Variants in CPPED1 observed in about 807,000 individuals in gnomAD.
CPPED1 encodes serine/threonine-protein phosphatase CPPED1.
In CPPED1, 28 loss-of-function variants were observed where a neutral mutation model predicts 28.0. That is an observed-to-expected ratio of 1.00 (90% CI 0.74 to 1.37). CPPED1 has a LOEUF of 1.37. Ranked by LOEUF, CPPED1 falls within the 40% of genes most tolerant of loss-of-function variation. The pLI, the probability that CPPED1 is intolerant of heterozygous loss-of-function variation, is 0.00. For missense variants in CPPED1, 504 were observed against 416.5 expected, an observed-to-expected ratio of 1.21 and a Z score of -1.83; for synonymous variants, 198 against 180.2, an observed-to-expected ratio of 1.10 and a Z score of -0.79.
At chr16:12,701,486 G>A (rs770770525) in intron 3 of CPPED1, among the ~76,000 whole-genome samples, 13 of 152,096 alleles carry the variant, frequency 8.5e-5, no homozygotes, top group Non-Finnish European at 1.9e-4. Flanking sequence ...GTAGTGACCC[G>A]AGATCATGCC....
intron 2 of CPPED1, among the ~76,000 whole-genome samples, chr16:12,744,788 C>T (rs1258996338): frequency 6.6e-6 from 1 of 152,142 alleles, no homozygotes; most frequent in Non-Finnish European, 1.5e-5. Context: ...CAAGACCAGC[C>T]TCCTGGGCAA....
intron 2 of CPPED1, among the ~76,000 whole-genome samples, chr16:12,778,293 TTG>T (rs1555491001): frequency 8.7e-5 from 13 of 149,642 alleles, no homozygotes; most frequent in Admixed American, 2.0e-4. Flanking sequence ...TTTTTTTTTT[TTG>T]AGATGGAGTC....
chr16:12,739,558 A>G lies in CPPED1; in HGVS notation c.290-34509T>C, dbSNP rs111897716. 6.6e-3 allele frequency among the ~76,000 whole-genome samples: 1,012 copies of G among 152,258 alleles called. 6 individuals carry two copies. The highest frequency in any genetic ancestry group is 0.034 in the Middle Eastern group (10 of 294). ...ATCACACCATTGCCCTCCAGTCTGGACAACAAGAGCAAAACTCCATTTCAA... is the reference window on the plus strand; with the variant it reads ...ATCACACCATTGCCCTCCAGTCTGGGCAACAAGAGCAAAACTCCATTTCAA... On this transcript the variant is annotated intron_variant, in intron 2 of 3. Transcript: ENST00000381774.
chr16:12,706,084 T>C (rs1174767639), intron 2 of CPPED1, among the ~76,000 whole-genome samples: 2 of 152,140 alleles, frequency 1.3e-5, no homozygotes, highest in Non-Finnish European at 2.9e-5. Flanking sequence ...TAGTTTTATA[T>C]TTAACCCTAA....
chr16:12,748,893 A>AAG (rs2080309068), intron 2 of CPPED1, among the ~76,000 whole-genome samples: 1 of 151,814 alleles, frequency 6.6e-6, no homozygotes, highest in East Asian at 1.9e-4. Flanking sequence ...AAAAAAAAAA[A>AAG]AAAGTATGCA....
intron 3 of CPPED1, among the ~76,000 whole-genome samples, chr16:12,696,529 C>T (rs975903278): frequency 3.3e-5 from 5 of 150,850 alleles, no homozygotes; most frequent in Non-Finnish European, 7.4e-5. Context: ...CAACCTCCGC[C>T]TTCCCAGGTT....
At chr16:12,731,402 G>T (rs2080196739) in intron 2 of CPPED1, among the ~76,000 whole-genome samples, 1 of 151,286 alleles carries the variant, frequency 6.6e-6, no homozygotes. Flanking sequence ...AGTAAACAAA[G>T]AAGTTCTGAG....
chr16:12,677,719 C>A (rs1207865097), intron 3 of CPPED1, among the ~76,000 whole-genome samples: 1 of 152,216 alleles, frequency 6.6e-6, no homozygotes, highest in Non-Finnish European at 1.5e-5. Flanking sequence ...CCCATCACTT[C>A]CGGCTTCAGC....
intron 2 of CPPED1, among the ~76,000 whole-genome samples, chr16:12,713,155 A>T (rs913118348): frequency 1.3e-5 from 2 of 152,144 alleles, no homozygotes; most frequent in Non-Finnish European, 2.9e-5. Flanking sequence ...TGTATAAAAA[A>T]TTGTGCTCAG....
intron 3 of CPPED1, among the ~76,000 whole-genome samples, chr16:12,691,351 C>T (rs531553616): frequency 7.2e-5 from 11 of 152,302 alleles, no homozygotes; most frequent in Non-Finnish European, 1.2e-4. Context: ...TCTTGGCTCA[C>T]TGCAACCTCT....
chr16:12,668,588 T>G (rs901723987), intron 3 of CPPED1, among the ~76,000 whole-genome samples: 1 of 152,218 alleles, frequency 6.6e-6, no homozygotes, highest in South Asian at 2.1e-4. Context: ...GCAAATCATG[T>G]ATCTAATAAG....
At chr16:12,673,601 C>T (rs2079863442) in intron 3 of CPPED1, among the ~76,000 whole-genome samples, 1 of 152,146 alleles carries the variant, frequency 6.6e-6, no homozygotes, top group Admixed American at 6.5e-5. Context: ...GCGGGTCTCC[C>T]CAGACCCGTG....
In CPPED1 at chr16:12,738,726, T is replaced by C. The variant is rs141826109; in HGVS notation, c.290-33677A>G. ...CTCTGGGTAATTTAGTAGCCTACCA[T>C]ACAAGGTCCTGCTAAAAATTATAAC... On this transcript the variant is annotated intron_variant, in intron 2 of 3. Coordinates refer to ENST00000381774, the MANE Select transcript of CPPED1 (RefSeq NM_018340.3). 1.4e-3 allele frequency among the ~76,000 whole-genome samples: 210 copies of C among 152,326 alleles called. 1 individual carries two copies. The highest frequency in any genetic ancestry group is 4.8e-3 in the African/African-American group (198 of 41,572).
At chr16:12,754,848 A>C (rs1423019359) in intron 2 of CPPED1, among the ~76,000 whole-genome samples, 1 of 152,198 alleles carries the variant, frequency 6.6e-6, no homozygotes, top group Admixed American at 6.5e-5. Flanking sequence ...AAAATTAAAA[A>C]AAAAATTCTT....
intron 2 of CPPED1, among the ~76,000 whole-genome samples, chr16:12,712,579 A>G (rs2080085856): frequency 6.6e-6 from 1 of 152,206 alleles, no homozygotes. Flanking sequence ...ATATGTATAG[A>G]GTAATAAACA....
At chr16:12,735,644 C>CTATTGT (rs1449568646) in intron 2 of CPPED1, among the ~76,000 whole-genome samples, 2 of 152,152 alleles carry the variant, frequency 1.3e-5, no homozygotes, top group African/African-American at 4.8e-5. Flanking sequence ...ATATGTATAA[C>CTATTGT]TATACCACCT....
intron 3 of CPPED1, among the ~76,000 whole-genome samples, chr16:12,688,260 T>C (rs67263845): frequency 0.2 from 30,782 of 150,960 alleles, 5,429 homozygotes; most frequent in African/African-American, 0.48. Context: ...CATCTTCACA[T>C]GTGACTTATG....
At chr16:12,720,834 A>G (rs2080136194) in intron 2 of CPPED1, among the ~76,000 whole-genome samples, 1 of 152,266 alleles carries the variant, frequency 6.6e-6, no homozygotes, top group Non-Finnish European at 1.5e-5. Context: ...GCTCAACACA[A>G]ATAAACAAAA....
intron 3 of CPPED1, among the ~76,000 whole-genome samples, chr16:12,694,998 G>C (rs1456220838): frequency 6.6e-6 from 1 of 152,014 alleles, no homozygotes; most frequent in African/African-American, 2.4e-5. Flanking sequence ...GGCTGGTCTT[G>C]AACTCCTGAC....
Sources: gnomAD v4.1 joint callset for allele counts (sites outside exome capture counted in the v4.1 genomes callset) on GRCh38, gnomAD v4.1.1 for gene constraint, MANE v1.5 for transcripts, NCBI Gene and HGNC (gene_info 2026-07-23, HGNC 2026-07-21) for gene names.